ADCY3: variants seen among roughly 807,000 people sequenced by gnomAD.
The protein encoded by ADCY3 is adenylate cyclase type 3.
Under a neutral mutation model 119.4 loss-of-function variants are expected in ADCY3, and 70 were observed. The ratio of observed to expected loss-of-function variants is 0.59; its 90% CI spans 0.48 to 0.72. ADCY3 has a LOEUF of 0.72. Ranked by LOEUF, ADCY3 falls within the 30% of genes least tolerant of loss-of-function variation. The pLI is 0.00. For missense variants in ADCY3, 1,238 were observed against 1,541.6 expected, an observed-to-expected ratio of 0.80 and a Z score of 3.30; for synonymous variants, 672 against 621.4, an observed-to-expected ratio of 1.08 and a Z score of -1.21.
chr2:24,838,831 G>T (rs753728157), intron 7 of ADCY3: 3 of 1,608,938 alleles, frequency 1.9e-6, no homozygotes, highest in African/African-American at 1.3e-5. Context: ...AGCTGTGTGG[G>T]CCGTATGGCA....
intron 2 of ADCY3, among the ~76,000 whole-genome samples, chr2:24,907,821 C>T (rs1401230272): frequency 6.6e-6 from 1 of 150,856 alleles, no homozygotes; most frequent in Non-Finnish European, 1.5e-5. Context: ...ATGGCGAAAC[C>T]CCATCTCTAC....
intron 2 of ADCY3, among the ~76,000 whole-genome samples, chr2:24,895,130 C>A (rs1678104246): frequency 6.6e-6 from 1 of 151,822 alleles, no homozygotes; most frequent in Admixed American, 6.6e-5. Flanking sequence ...CTTGCTCTGT[C>A]GCCAGGCTGG....
In ADCY3 at chr2:24,873,989, G is replaced by A. The variant is rs548329889; in HGVS notation, c.676-1270C>T. On this transcript the variant is annotated intron_variant, in intron 2 of 21. Transcript: ENST00000679454. ...TGGGGTAGGTGAAAAAGGCAGGGAAGTCAATTTTTTATTTTTAAACAAGAT... is the reference window on the plus strand; with the variant it reads ...TGGGGTAGGTGAAAAAGGCAGGGAAATCAATTTTTTATTTTTAAACAAGAT... Among the ~76,000 whole-genome samples, 11 of 152,346 alleles carry A rather than the reference G, an allele frequency of 7.2e-5. No individual in the cohort carries two copies. In the East Asian group the frequency reaches 1.5e-3, roughly 21 times the overall value.
At chr2:24,820,587 T>A in intron 21 of ADCY3, 137 bp downstream of exon 21, 2 of 1,474,714 alleles carry the variant, frequency 1.4e-6, no homozygotes, top group East Asian at 2.3e-5. Context: ...GAGATTCTTT[T>A]CCACTTGCCC....
intron 2 of ADCY3, among the ~76,000 whole-genome samples, chr2:24,886,486 G>A (rs558598594): frequency 6.6e-6 from 1 of 152,222 alleles, no homozygotes; most frequent in African/African-American, 2.4e-5. Flanking sequence ...GGCCAGGTGG[G>A]AAGATAAACC....
intron 20 of ADCY3, 119 bp from the exon 21 acceptor site, chr2:24,820,967 CA>C: frequency 7.0e-7 from 1 of 1,419,338 alleles, no homozygotes; most frequent in Non-Finnish European, 9.6e-7. Flanking sequence ...TCATTGTCCT[CA>C]TTCAACTTGG....
At chr2:24,887,351 G>T (rs1477884838) in intron 2 of ADCY3, among the ~76,000 whole-genome samples, 2 of 152,118 alleles carry the variant, frequency 1.3e-5, no homozygotes, top group African/African-American at 4.8e-5. Context: ...ATGAGATTTG[G>T]GTGGGGACGC....
At chr2:24,892,819 CTTTA>C (rs374756913) in intron 2 of ADCY3, among the ~76,000 whole-genome samples, 2 of 152,044 alleles carry the variant, frequency 1.3e-5, no homozygotes, top group Non-Finnish European at 1.5e-5. Context: ...GCCACACCAT[CTTTA>C]TTTATTTATT....
intron 3 of ADCY3, among the ~76,000 whole-genome samples, chr2:24,861,174 C>T (rs569727198): frequency 6.6e-6 from 1 of 151,246 alleles, no homozygotes; most frequent in South Asian, 2.1e-4. Flanking sequence ...TCGCTTGAAC[C>T]TGGGAGGTGG....
At chr2:24,858,802 C>T (rs986607282) in intron 3 of ADCY3, among the ~76,000 whole-genome samples, 5 of 152,208 alleles carry the variant, frequency 3.3e-5, no homozygotes, top group South Asian at 4.1e-4. Context: ...ATGCATGGGC[C>T]GTCAGCAGGA....
In ADCY3 at chr2:24,883,881, T is replaced by A. The variant is rs1005836098; in HGVS notation, c.676-11162A>T. ...TTTGTGGCCATGGAACACAGCAAAC[T>A]CTTTGGATTCCAAAACTTCCTACCT... On this transcript the variant is annotated intron_variant, in intron 2 of 21. Transcript: ENST00000679454. 3.9e-5 allele frequency among the ~76,000 whole-genome samples: 6 copies of A among 152,194 alleles called. 1 individual carries two copies. The highest frequency in any genetic ancestry group is 2.0e-4 in the Admixed American group (3 of 15,272).
chr2:24,917,394 C>T (rs921946438), intron 2 of ADCY3, among the ~76,000 whole-genome samples: 3 of 152,212 alleles, frequency 2.0e-5, no homozygotes, highest in South Asian at 2.1e-4. Context: ...ATCATTGGCA[C>T]GAGGCTGGCA....
At position 24,918,204 on chromosome 2, in the gene ADCY3, C is replaced by G. The variant is rs996313576; in HGVS notation, c.675+109G>C. The G allele has an allele frequency of 3.9e-5, 50 of 1,285,058 alleles. No homozygotes were observed. The highest frequency in any genetic ancestry group is 2.9e-4 in the South Asian group (20 of 67,856). The allele number at this position is 1,285,058 out of a possible 1,614,324, so 79.6% of individuals were successfully genotyped here. On this transcript the variant is annotated intron_variant, in intron 2 of 21. Transcript: ENST00000679454. This position sits in a 1 kb window ranked among gnomAD's most constrained non-coding sequence, Gnocchi z 5.4. ...AGAGAGGTGAGAGCCCCGGAGGCCC[C>G]CAGGACACATTTTGACTCAAAGGCA... is the stretch of plus-strand genomic sequence containing the variant.
Position 24,841,775 on chromosome 2 carries a change from G to A in ADCY3, c.957-108C>T. The A allele has an allele frequency of 1.2e-6, 1 of 803,628 alleles. No individual in the cohort carries two copies. Among genetic ancestry groups the A allele is most frequent in the East Asian group, 2.6e-5 (1 of 38,052 alleles). 49.8% of individuals were successfully genotyped at this position (803,628 alleles called of 1,614,324 possible). The stretch of plus-strand genomic sequence containing the variant: ...CAGGGCAGCCAGGATCAGGGCAGGA[G>A]AAGGTCCTCCCTCACGACCCCCAGA... On this transcript the variant is annotated intron_variant, in intron 4 of 21. Coordinates refer to ENST00000679454, the MANE Select transcript of ADCY3 (RefSeq NM_004036.5). This position sits in a 1 kb window ranked among gnomAD's most constrained non-coding sequence, Gnocchi z 5.8.
intron 3 of ADCY3, among the ~76,000 whole-genome samples, chr2:24,846,944 G>A (rs2148622410): frequency 6.6e-6 from 1 of 152,288 alleles, no homozygotes; most frequent in Non-Finnish European, 1.5e-5. Context: ...TTTGGACTAT[G>A]GATTTTTAGG....
chr2:24,828,348 C>T (rs984922665), intron 13 of ADCY3, among the ~76,000 whole-genome samples, 187 bp from the exon 14 acceptor site: 1 of 152,184 alleles, frequency 6.6e-6, no homozygotes, highest in African/African-American at 2.4e-5. Context: ...CTAAGAGCCT[C>T]GCCGTTGCCT....
At chr2:24,915,645 A>G (rs1664359888) in intron 2 of ADCY3, among the ~76,000 whole-genome samples, 1 of 152,054 alleles carries the variant, frequency 6.6e-6, no homozygotes, top group Admixed American at 6.5e-5. Flanking sequence ...GGTTCAAGTG[A>G]TTCTCCTGCC....
At chr2:24,850,692 T>C (rs2148651500) in intron 3 of ADCY3, among the ~76,000 whole-genome samples, 1 of 152,338 alleles carries the variant, frequency 6.6e-6, no homozygotes, top group African/African-American at 2.4e-5. Context: ...ACGTAGAAGG[T>C]GATCTGCATT....
At chr2:24,882,487 T>C (rs1055032357) in intron 2 of ADCY3, among the ~76,000 whole-genome samples, 1 of 152,244 alleles carries the variant, frequency 6.6e-6, no homozygotes, top group Non-Finnish European at 1.5e-5. Flanking sequence ...CTGCTCTTGC[T>C]GCTTCACTAG....
Sources: gnomAD v4.1 joint callset for allele counts (sites outside exome capture counted in the v4.1 genomes callset) on GRCh38, gnomAD v4.1.1 for gene constraint, Gnocchi (gnomAD v3.1) non-coding constraint, MANE v1.5 for transcripts, NCBI Gene and HGNC (gene_info 2026-07-23, HGNC 2026-07-21) for gene names.